PHKB: variants seen among roughly 807,000 people sequenced by gnomAD.
PHKB encodes the protein phosphorylase b kinase regulatory subunit beta.
In PHKB, 122 loss-of-function variants were observed where a neutral mutation model predicts 152.1. The ratio of observed to expected loss-of-function variants is 0.80; its 90% CI spans 0.69 to 0.93. The LOEUF (loss-of-function observed/expected upper bound fraction) is 0.93. Among genes scored for constraint, PHKB ranks in the 40% least tolerant of loss-of-function variants. The pLI, the probability that PHKB is intolerant of heterozygous loss-of-function variation, is 0.00. For synonymous variants in PHKB, 436 were observed against 464.9 expected (o/e 0.94, Z 0.80); for missense variants, 1,304 against 1,328.4 (o/e 0.98, Z 0.29).
At chr16:47,677,734 TAG>T (rs1469658153) in intron 26 of PHKB, among the ~76,000 whole-genome samples, 2 of 152,158 alleles carry the variant, frequency 1.3e-5, no homozygotes, top group East Asian at 3.9e-4. Context: ...ATTCAGTCCA[TAG>T]AATATGGCTT....
intron 13 of PHKB, among the ~76,000 whole-genome samples, chr16:47,602,923 TTCTC>T (rs1369980128): frequency 6.6e-6 from 1 of 152,156 alleles, no homozygotes; most frequent in Non-Finnish European, 1.5e-5. Flanking sequence ...TAGGAAATAC[TTCTC>T]TCTGTCTCTC....
intron 7 of PHKB, among the ~76,000 whole-genome samples, chr16:47,554,184 G>C (rs1971324597): frequency 6.6e-6 from 1 of 152,140 alleles, no homozygotes; most frequent in African/African-American, 2.4e-5. Flanking sequence ...CCTGACTGTG[G>C]CTGCTGCCTT....
In PHKB at chr16:47,485,905, G is replaced by A. The variant is rs192801398; in HGVS notation, c.77-11494G>A. Among the ~76,000 whole-genome samples the A allele has an allele frequency of 2.2e-4, 34 of 151,848 alleles. No homozygotes were observed. The East Asian group carries it at 6.6e-3, about 29-fold the overall frequency. Reference sequence around the variant, plus strand: ...CAAAGTGCTGGGATTATAGGCGTGAGCCACTGTGCCTGGTCCCTCACCGCT... The same window carrying A: ...CAAAGTGCTGGGATTATAGGCGTGAACCACTGTGCCTGGTCCCTCACCGCT... On this transcript the variant is annotated intron_variant, in intron 1 of 30. Transcript: ENST00000323584.
chr16:47,545,893 G>C (rs1022611671), intron 6 of PHKB, among the ~76,000 whole-genome samples: 1 of 152,136 alleles, frequency 6.6e-6, no homozygotes, highest in African/African-American at 2.4e-5. Context: ...GGCTACTGAA[G>C]CTTGTGCATG....
chr16:47,468,929 T>G (rs908442540), intron 1 of PHKB, among the ~76,000 whole-genome samples: 1 of 152,240 alleles, frequency 6.6e-6, no homozygotes, highest in African/African-American at 2.4e-5. Flanking sequence ...TGGTTGAGTT[T>G]TAGGTTCTTA....
At chr16:47,463,803 C>G in intron 1 of PHKB, 2 of 771,432 alleles carry the variant, frequency 2.6e-6, no homozygotes, top group Non-Finnish European at 4.6e-6. Context: ...GCCTTTGTTG[C>G]ATACTGCATC....
chr16:47,506,869 G>A (rs562576520), intron 4 of PHKB, among the ~76,000 whole-genome samples: 142 of 152,312 alleles, frequency 9.3e-4, no homozygotes, highest in African/African-American at 3.3e-3. Flanking sequence ...GAAAGTTTAC[G>A]AATCTGTGCT....
Position 47,509,926 on chromosome 16 carries a change from A to T in PHKB, c.406-1739A>T, listed in dbSNP as rs145202108. Among the ~76,000 whole-genome samples the T allele has an allele frequency of 3.1e-3, 465 of 152,276 alleles. 2 individuals are homozygous for T. Among genetic ancestry groups the T allele is most frequent in the African/African-American group, 0.011 (443 of 41,566 alleles). ...AGACTACCCCCGGCTTCCGACACCA[A>T]TTGTAAGTAGTAGATCCCCAGGCTA... is the stretch of plus-strand genomic sequence containing the variant. On this transcript the variant is annotated intron_variant, in intron 4 of 30. Coordinates refer to ENST00000323584, the MANE Select transcript of PHKB (RefSeq NM_000293.3).
At chr16:47,675,789 C>G (rs1973721687) in intron 26 of PHKB, 1 of 152,218 alleles carries the variant, frequency 6.6e-6, no homozygotes, top group East Asian at 1.9e-4. Context: ...CTCACGACAC[C>G]TGTGGCAAAC....
intron 10 of PHKB, 142 bp from the exon 11 acceptor site, chr16:47,593,358 T>TCAGGAAAAAG: frequency 1.7e-6 from 1 of 594,540 alleles, no homozygotes; most frequent in Non-Finnish European, 3.0e-6. Context: ...AAGGATCCCT[T>TCAGGAAAAAG]GAGCCCAGGA....
chr16:47,483,950 T>G (rs1487456652), intron 1 of PHKB, among the ~76,000 whole-genome samples: 1 of 152,214 alleles, frequency 6.6e-6, no homozygotes, highest in African/African-American at 2.4e-5. Flanking sequence ...TTTATAACAT[T>G]AAATAACCAC....
At chr16:47,691,362 G>A (rs915008319) in intron 27 of PHKB, among the ~76,000 whole-genome samples, 1 of 152,138 alleles carries the variant, frequency 6.6e-6, no homozygotes, top group African/African-American at 2.4e-5. Flanking sequence ...TAATAGTATT[G>A]TATCATTGTT....
intron 14 of PHKB, among the ~76,000 whole-genome samples, chr16:47,611,761 T>C (rs1375414143): frequency 6.6e-6 from 1 of 152,206 alleles, no homozygotes; most frequent in Admixed American, 6.6e-5. Context: ...GCACTGTTTC[T>C]CTGACTCTTT....
In PHKB at chr16:47,698,542, A is replaced by G. The variant is rs894560511; in HGVS notation, c.3098A>G (p.Asn1033Ser). 8 of 1,608,698 alleles carry G rather than the reference A, an allele frequency of 5.0e-6. No homozygotes were observed. Among genetic ancestry groups the G allele is most frequent in the Middle Eastern group, 1.7e-4 (1 of 6,032 alleles). Residue 1033 changes from asparagine (N) to serine (S), a missense_variant, in exon 30 of 31, where the codon AAT becomes AGT. Coordinates refer to ENST00000323584, the MANE Select transcript of PHKB (RefSeq NM_000293.3). ...GACAGACTGGTCAAAGAAGCATTTA[A>G]TGAATTTCAAAAAGATCAGAGTCGG... ...DLDRLVKEAF[N>S]EFQKDQSRLK...
intron 2 of PHKB, among the ~76,000 whole-genome samples, chr16:47,497,977 T>G (rs771611239): frequency 5.3e-5 from 8 of 152,198 alleles, no homozygotes; most frequent in Non-Finnish European, 1.2e-4. Context: ...CTTGCAAATT[T>G]TGTTTTTCAA....
In PHKB at chr16:47,609,794, GTCT is replaced by G. The variant is rs1201361389; in HGVS notation, c.1364-1027_1364-1025del. Among the ~76,000 whole-genome samples the G allele has an allele frequency of 3.9e-5, 6 of 152,158 alleles. No homozygotes were observed. In the East Asian group the frequency reaches 1.2e-3, roughly 29 times the overall value. Reference sequence around the variant, plus strand: ...TTGAATTCTTGATTTAGTAATTTGAGTCTTCTTTCTTCTTTTCTTGGTCAATCT... The same window carrying G: ...TTGAATTCTTGATTTAGTAATTTGAGTCTTTCTTCTTTTCTTGGTCAATCT... On this transcript the variant is annotated intron_variant, in intron 13 of 30. Transcript: ENST00000323584.
intron 26 of PHKB, among the ~76,000 whole-genome samples, chr16:47,686,268 A>T (rs935520423): frequency 2.0e-5 from 3 of 152,254 alleles, no homozygotes; most frequent in Non-Finnish European, 4.4e-5. Flanking sequence ...GTTTAGTTTT[A>T]ATAACTCAAG....
chr16:47,476,089 C>G (rs556084843), intron 1 of PHKB, among the ~76,000 whole-genome samples: 1 of 151,860 alleles, frequency 6.6e-6, no homozygotes, highest in Non-Finnish European at 1.5e-5. Context: ...AAGCTGGTCT[C>G]AAGCTCCTGT....
Position 47,547,426 on chromosome 16 carries a change from C to A in PHKB, c.595-7C>A, listed in dbSNP as rs1971192113. The A allele has an allele frequency of 1.9e-6, 3 of 1,544,076 alleles. No individual in the cohort carries two copies. The African/African-American group carries it at 4.1e-5, about 21-fold the overall frequency. On this transcript the variant is annotated splice_polypyrimidine_tract_variant and splice_region_variant and intron_variant, in intron 6 of 30. Coordinates refer to ENST00000323584, the MANE Select transcript of PHKB (RefSeq NM_000293.3). ...ATGTCCTTATGTTTCATTTCTTTTT[C>A]TTTTAGGTCTCTTTTATTCAAAACC...
Sources: allele counts gnomAD v4.1 joint callset (sites outside exome capture counted in the v4.1 genomes callset), GRCh38; gene constraint gnomAD v4.1.1; transcripts MANE v1.5; gene names NCBI Gene and HGNC (gene_info 2026-07-23, HGNC 2026-07-21).